SATB2: variants seen among roughly 807,000 people sequenced by gnomAD.
SATB2 encodes DNA-binding protein SATB2.
In SATB2, 1 loss-of-function variant was observed where a neutral mutation model predicts 73.4. The ratio of observed to expected loss-of-function variants is 0.01; its 90% confidence interval spans 0.00 to 0.06. SATB2 has a LOEUF of 0.06. Among genes scored for constraint, SATB2 ranks in the 10% least tolerant of loss-of-function variants. The pLI, the probability that SATB2 is intolerant of heterozygous loss-of-function variation, is 1.00. For synonymous variants in SATB2, 397 were observed against 367.0 expected, an observed-to-expected ratio of 1.08 and a Z score of -0.93; for missense variants, 459 against 945.8, an observed-to-expected ratio of 0.49 and a Z score of 6.75.
At chr2:199,422,990 C>CA (rs1019147398) in intron 3 of SATB2, among the ~76,000 whole-genome samples, 148 of 152,190 alleles carry the variant, frequency 9.7e-4, no homozygotes, top group African/African-American at 3.4e-3. Context: ...TCAGATAATT[C>CA]AGACAGCTGA....
At chr2:199,333,492 C>T (rs1241346935) in intron 7 of SATB2, among the ~76,000 whole-genome samples, 1 of 152,006 alleles carries the variant, frequency 6.6e-6, no homozygotes, top group Non-Finnish European at 1.5e-5. Flanking sequence ...TATTGGGCAG[C>T]GTGTGAAGCT....
At chr2:199,368,751 T>C in intron 5 of SATB2, 44 bp from the exon 6 acceptor site, 2 of 1,167,050 alleles carry the variant, frequency 1.7e-6, no homozygotes, top group Non-Finnish European at 2.5e-6. Flanking sequence ...TATGACTACT[T>C]CTTTTTAGGG....
At position 199,457,732 on chromosome 2, in the gene SATB2, C is replaced by T; in HGVS notation, c.-453G>A. 6.3e-6 allele frequency: 1 copy of T among 159,366 alleles called. No individual in the cohort carries two copies. The highest frequency in any genetic ancestry group is 1.4e-5 in the Non-Finnish European group (1 of 73,298). 9.9% of individuals were successfully genotyped at this position (159,366 alleles called of 1,614,324 possible). ...GAAAGGGCTGAGAACCCGGAGGCGG[C>T]GGCGGCGGCGGCGAGCCGGGGCTGC... is the stretch of plus-strand genomic sequence containing the variant. On this transcript the variant is annotated 5_prime_UTR_variant, in exon 1 of 11. Coordinates refer to ENST00000417098, the MANE Select transcript of SATB2 (RefSeq NM_001172509.2). The surrounding 1 kb of genome is among the most constrained non-coding windows in gnomAD (Gnocchi z 4.8).
At chr2:199,357,680 G>T (rs1359125352) in intron 6 of SATB2, among the ~76,000 whole-genome samples, 2 of 151,890 alleles carry the variant, frequency 1.3e-5, no homozygotes, top group Non-Finnish European at 2.9e-5. Context: ...ATATATATAT[G>T]TGCCTATATA....
chr2:199,307,557 C>A (rs1687470939), intron 10 of SATB2, among the ~76,000 whole-genome samples: 1 of 152,152 alleles, frequency 6.6e-6, no homozygotes, highest in African/African-American at 2.4e-5. Flanking sequence ...CAAGAGACTG[C>A]CTCTACAAAT....
At chr2:199,358,500 A>T (rs1194973766) in intron 6 of SATB2, among the ~76,000 whole-genome samples, 1 of 152,160 alleles carries the variant, frequency 6.6e-6, no homozygotes. Flanking sequence ...AAAACTTGCC[A>T]CCAAACCCAA....
At chr2:199,321,334 T>C (rs1377570486) in intron 9 of SATB2, among the ~76,000 whole-genome samples, 1 of 151,546 alleles carries the variant, frequency 6.6e-6, no homozygotes, top group Non-Finnish European at 1.5e-5. Flanking sequence ...GACATATATG[T>C]ATGTACATAT....
At chr2:199,299,038 C>T (rs1244788157) in intron 10 of SATB2, among the ~76,000 whole-genome samples, 1 of 152,138 alleles carries the variant, frequency 6.6e-6, no homozygotes, top group Non-Finnish European at 1.5e-5. Context: ...CCAAATGAGC[C>T]AGGTGGTTTG....
intron 6 of SATB2, among the ~76,000 whole-genome samples, chr2:199,351,329 T>A (rs2105826805): frequency 6.6e-6 from 1 of 152,024 alleles, no homozygotes; most frequent in Admixed American, 6.5e-5. Context: ...GCCCAGCTAA[T>A]TTTTTGTATT....
intron 2 of SATB2, among the ~76,000 whole-genome samples, chr2:199,444,388 T>C (rs1013285581): frequency 1.5e-4 from 23 of 152,276 alleles, no homozygotes; most frequent in Admixed American, 1.5e-3. Flanking sequence ...AGAGTCTACC[T>C]TCCTCAAAGC....
intron 2 of SATB2, among the ~76,000 whole-genome samples, chr2:199,452,893 T>C (rs904065905): frequency 6.6e-6 from 1 of 151,980 alleles, no homozygotes; most frequent in East Asian, 1.9e-4. Context: ...TCCCAGAAAG[T>C]GTTGGAAAGA....
chr2:199,325,852 T>C (rs1223865436), intron 8 of SATB2: 1 of 152,206 alleles, frequency 6.6e-6, no homozygotes, highest in Non-Finnish European at 1.5e-5. Flanking sequence ...TAATACACAG[T>C]AAGCGTTTTA....
intron 6 of SATB2, among the ~76,000 whole-genome samples, chr2:199,358,507 C>A (rs1358806761): frequency 6.6e-6 from 1 of 151,930 alleles, no homozygotes; most frequent in Non-Finnish European, 1.5e-5. Flanking sequence ...GCCACCAAAC[C>A]CAAAGATTTT....
At chr2:199,427,732 C>T (rs148187780) in intron 3 of SATB2, among the ~76,000 whole-genome samples, 111 of 152,062 alleles carry the variant, frequency 7.3e-4, no homozygotes, top group African/African-American at 2.5e-3. Context: ...GTATATGTTG[C>T]ATGTTTCCAT....
At chr2:199,404,128 C>A (rs1477042807) in intron 3 of SATB2, among the ~76,000 whole-genome samples, 1 of 152,184 alleles carries the variant, frequency 6.6e-6, no homozygotes, top group East Asian at 1.9e-4. Flanking sequence ...CTCTCAGATA[C>A]CCAAGATGAC....
At chr2:199,346,901 C>G (rs899923477) in intron 7 of SATB2, 3 of 135,020 alleles carry the variant, frequency 2.2e-5, no homozygotes, top group Admixed American at 8.1e-5. Context: ...GTTTCACTCT[C>G]ACTCAGGCTG....
intron 10 of SATB2, among the ~76,000 whole-genome samples, chr2:199,280,783 A>C (rs1559140006): frequency 6.6e-6 from 1 of 152,114 alleles, no homozygotes; most frequent in Non-Finnish European, 1.5e-5. Context: ...GCGTGCCCAA[A>C]ACTTCATTAG....
chr2:199,295,171 C>T lies in SATB2; in HGVS notation c.1740+13589G>A, dbSNP rs114740850. 5.1e-3 allele frequency among the ~76,000 whole-genome samples: 770 copies of T among 152,162 alleles called. 6 individuals are homozygous for T. Among genetic ancestry groups the T allele is most frequent in the African/African-American group, 0.018 (753 of 41,532 alleles). ...AAATTTAAACTAAAGAAAAGCATGA[C>T]AAGGAAAGAGTAGGAACAACTGCTA... On this transcript the variant is annotated intron_variant, in intron 10 of 10. Coordinates refer to ENST00000417098, the MANE Select transcript of SATB2 (RefSeq NM_001172509.2).
At chr2:199,336,549 C>T (rs1189624285) in intron 7 of SATB2, among the ~76,000 whole-genome samples, 4 of 152,146 alleles carry the variant, frequency 2.6e-5, no homozygotes, top group African/African-American at 9.7e-5. Context: ...GCAAAGCAGT[C>T]TATTAACACT....
Sources: allele counts gnomAD v4.1 joint callset (sites outside exome capture counted in the v4.1 genomes callset), GRCh38; gene constraint gnomAD v4.1.1; non-coding constraint Gnocchi (gnomAD v3.1); transcripts MANE v1.5; gene names NCBI Gene and HGNC (gene_info 2026-07-23, HGNC 2026-07-21).